The following DLGAP2 variants were observed in gnomAD, a reference collection of about 807,000 sequenced individuals.
DLGAP2 encodes DLG associated protein 2, also known as disks large-associated protein 2.
Under a neutral mutation model 100.3 loss-of-function variants are expected in DLGAP2, and 26 were observed. The ratio of observed to expected loss-of-function variants is 0.26; its 90% confidence interval spans 0.19 to 0.36. The LOEUF is 0.36. DLGAP2 is among the 10% of genes least tolerant of loss of function. DLGAP2 has a pLI of 1.00. For missense variants in DLGAP2, 1,858 were observed against 1,453.2 expected (o/e 1.28, Z -4.53); for synonymous variants, 886 against 630.1 (o/e 1.41, Z -6.08).
intron 3 of DLGAP2, among the ~76,000 whole-genome samples, chr8:1,325,054 G>A (rs975004846): frequency 2.0e-5 from 3 of 152,146 alleles, no homozygotes; most frequent in Admixed American, 6.5e-5. Flanking sequence ...AACCTGAACC[G>A]ATGGATGCTC....
chr8:1,167,333 A>G (rs1262639438), intron 2 of DLGAP2, among the ~76,000 whole-genome samples: 1 of 152,212 alleles, frequency 6.6e-6, no homozygotes, highest in Non-Finnish European at 1.5e-5. Flanking sequence ...CGAGTCCAGT[A>G]CACACTGCAG....
intron 1 of DLGAP2, among the ~76,000 whole-genome samples, chr8:783,436 T>G (rs1336181109): frequency 6.6e-6 from 1 of 152,200 alleles, no homozygotes; most frequent in Admixed American, 6.5e-5. Context: ...TTGTGACTGT[T>G]TGCACTAGGT....
intron 8 of DLGAP2, among the ~76,000 whole-genome samples, chr8:1,644,451 G>A (rs1350161536): frequency 1.3e-5 from 2 of 152,216 alleles, no homozygotes; most frequent in Non-Finnish European, 2.9e-5. Flanking sequence ...TACGGCTGCT[G>A]CTCGTCGGCC....
chr8:1,678,977 T>A, intron 12 of DLGAP2: 1 of 226,722 alleles, frequency 4.4e-6, no homozygotes, highest in Non-Finnish European at 8.5e-6. Flanking sequence ...TATGTTATTT[T>A]CTAGAATTGT....
chr8:1,230,042 C>G (rs555217540), intron 2 of DLGAP2, among the ~76,000 whole-genome samples: 5 of 152,106 alleles, frequency 3.3e-5, no homozygotes, highest in East Asian at 1.9e-4. Context: ...TAGTAAAAGA[C>G]ATCCAAATAA....
intron 2 of DLGAP2, among the ~76,000 whole-genome samples, chr8:1,044,061 C>T (rs761791292): frequency 6.6e-6 from 1 of 152,126 alleles, no homozygotes; most frequent in Non-Finnish European, 1.5e-5. Flanking sequence ...CCACGCCACG[C>T]TGTGTTTTAT....
intron 2 of DLGAP2, among the ~76,000 whole-genome samples, chr8:1,065,453 A>C (rs1000539062): frequency 6.6e-6 from 1 of 152,210 alleles, no homozygotes; most frequent in Non-Finnish European, 1.5e-5. Context: ...GCACATATTC[A>C]TGCTGGAGTC....
chr8:1,054,600 C>T (rs142385810), intron 2 of DLGAP2, among the ~76,000 whole-genome samples: 1 of 152,090 alleles, frequency 6.6e-6, no homozygotes, highest in African/African-American at 2.4e-5. Flanking sequence ...AAAACATGCC[C>T]AGTAATTTAT....
intron 2 of DLGAP2, among the ~76,000 whole-genome samples, chr8:1,160,710 C>T (rs1276539336): frequency 2.6e-5 from 4 of 152,360 alleles, no homozygotes; most frequent in Non-Finnish European, 5.9e-5. Flanking sequence ...CTAACATCAG[C>T]ATGGTGCAGA....
At chr8:1,431,749 TC>T (rs1204205537) in intron 3 of DLGAP2, among the ~76,000 whole-genome samples, 2 of 143,610 alleles carry the variant, frequency 1.4e-5, no homozygotes, top group Admixed American at 6.8e-5. Context: ...TACTCAGCCT[TC>T]CTTTTCTTTA....
At chr8:1,350,171 G>GT (rs1801674664) in intron 3 of DLGAP2, among the ~76,000 whole-genome samples, 1 of 150,934 alleles carries the variant, frequency 6.6e-6, no homozygotes, top group African/African-American at 2.4e-5. Flanking sequence ...ATGCTCTTGT[G>GT]GCGTGGAAAG....
intron 2 of DLGAP2, among the ~76,000 whole-genome samples, chr8:1,220,230 T>TTGA (rs1339995343): frequency 6.6e-6 from 1 of 152,192 alleles, no homozygotes; most frequent in Non-Finnish European, 1.5e-5. Flanking sequence ...TTCTAACTTC[T>TTGA]TGATGTAATC....
chr8:1,325,221 T>A (rs1258868905), intron 3 of DLGAP2, among the ~76,000 whole-genome samples: 2 of 152,230 alleles, frequency 1.3e-5, no homozygotes, highest in African/African-American at 4.8e-5. Context: ...ATGTTCAATG[T>A]CGCAATGAGA....
chr8:1,363,831 C>T (rs748058431), intron 3 of DLGAP2, among the ~76,000 whole-genome samples: 4 of 152,188 alleles, frequency 2.6e-5, no homozygotes, highest in South Asian at 4.1e-4. Flanking sequence ...CCCGGCTGCC[C>T]GTGGCAGGCC....
At chr8:1,683,894 G>GTATA (rs1563061185) in intron 12 of DLGAP2, among the ~76,000 whole-genome samples, 3 of 100,196 alleles carry the variant, frequency 3.0e-5, no homozygotes, top group Non-Finnish European at 3.8e-5. Flanking sequence ...GTGTGTGTGT[G>GTATA]TGTATACACA....
At chr8:1,663,759 T>C (rs913700597) in intron 8 of DLGAP2, among the ~76,000 whole-genome samples, 1 of 152,126 alleles carries the variant, frequency 6.6e-6, no homozygotes, top group Non-Finnish European at 1.5e-5. Context: ...TCTCAAGATA[T>C]TAAATCACCA....
At chr8:1,047,349 T>C (rs910820176) in intron 2 of DLGAP2, among the ~76,000 whole-genome samples, 2 of 152,254 alleles carry the variant, frequency 1.3e-5, no homozygotes, top group Non-Finnish European at 2.9e-5. Flanking sequence ...AAACGAAGTC[T>C]TTCGGATTTT....
At chr8:934,693 T>C (rs969658250) in intron 2 of DLGAP2, among the ~76,000 whole-genome samples, 7 of 152,010 alleles carry the variant, frequency 4.6e-5, no homozygotes, top group Non-Finnish European at 1.0e-4. Flanking sequence ...TCATGCTCGC[T>C]CATGCTCATG....
intron 6 of DLGAP2, among the ~76,000 whole-genome samples, chr8:1,574,487 C>T (rs906588819): frequency 6.6e-6 from 1 of 152,146 alleles, no homozygotes; most frequent in Non-Finnish European, 1.5e-5. Flanking sequence ...CCATGCTGCC[C>T]CCTGCCCCCG....
Sources: gnomAD v4.1 joint callset for allele counts (sites outside exome capture counted in the v4.1 genomes callset) on GRCh38, gnomAD v4.1.1 for gene constraint, MANE v1.5 for transcripts, NCBI Gene and HGNC (gene_info 2026-07-23, HGNC 2026-07-21) for gene names.